Variants in CCDC191 observed in about 807,000 individuals in gnomAD.
CCDC191 encodes the protein coiled-coil domain-containing protein 191.
In CCDC191, 99 loss-of-function variants were observed where a neutral mutation model predicts 114.0. That is an observed-to-expected ratio of 0.87 (90% CI 0.74 to 1.03). The LOEUF (loss-of-function observed/expected upper bound fraction) is 1.03, where lower values mean the gene tolerates loss of function less well. Among genes scored for constraint, CCDC191 ranks in the 50% least tolerant of loss-of-function variants. The probability of loss-of-function intolerance (pLI) is 0.00; values close to 1 mark genes in which losing one functional copy is unlikely to be tolerated. For missense variants in CCDC191, 973 were observed against 1,087.0 expected (o/e 0.90, Z 1.47); for synonymous variants, 351 against 376.0 (o/e 0.93, Z 0.77).
At position 114,005,980 on chromosome 3, in the gene CCDC191, G is replaced by GTTA; in HGVS notation, c.1414-21_1414-19dup. On this transcript the variant is annotated intron_variant, in intron 9 of 16. Transcript: ENST00000295878. ...GCAGTCTCCTGAGAGAGAGAAACAT[G>GTTA]TTATAGCTCAACTATTTAAAGGACT... is the stretch of plus-strand genomic sequence containing the variant. 1 of 1,594,708 alleles carries GTTA rather than the reference G, an allele frequency of 6.3e-7. No homozygotes were observed. The highest frequency in any genetic ancestry group is 8.6e-7 in the Non-Finnish European group (1 of 1,163,306).
intron 2 of CCDC191, 40 bp from the exon 3 acceptor site, chr3:114,046,772 C>A (rs1243644646): frequency 3.9e-6 from 6 of 1,544,752 alleles, no homozygotes; most frequent in South Asian, 1.2e-5. Context: ...AAGATGACAA[C>A]AAATTTGTTC....
intron 16 of CCDC191, among the ~76,000 whole-genome samples, chr3:113,975,521 T>A (rs1202730633): frequency 6.6e-6 from 1 of 152,216 alleles, no homozygotes; most frequent in African/African-American, 2.4e-5. Flanking sequence ...GTGTTACCTA[T>A]GTACTGAGCG....
chr3:114,025,263 A>G (rs895795463), intron 7 of CCDC191, among the ~76,000 whole-genome samples: 1 of 151,576 alleles, frequency 6.6e-6, no homozygotes, highest in African/African-American at 2.4e-5. Context: ...ACTTACCAAA[A>G]AAAAAAAAAA....
At chr3:114,045,105 TAAACATTTCTTTTCA>T (rs2076611483) in intron 3 of CCDC191, among the ~76,000 whole-genome samples, 2 of 152,038 alleles carry the variant, frequency 1.3e-5, no homozygotes, top group South Asian at 4.1e-4. Flanking sequence ...ATGAGGCAAG[TAAACATTTCTTTTCA>T]ACTGCAGGAC....
intron 13 of CCDC191, among the ~76,000 whole-genome samples, chr3:113,983,077 A>C (rs535071167): frequency 9.2e-5 from 14 of 152,222 alleles, no homozygotes; most frequent in African/African-American, 3.1e-4. Flanking sequence ...TGCCTAGGTC[A>C]TGAATGCTTG....
At chr3:114,021,933 A>G (rs1344110081) in intron 7 of CCDC191, among the ~76,000 whole-genome samples, 1 of 152,158 alleles carries the variant, frequency 6.6e-6, no homozygotes, top group African/African-American at 2.4e-5. Flanking sequence ...AGATTTTCAA[A>G]TATAGTCAGG....
intron 7 of CCDC191, among the ~76,000 whole-genome samples, chr3:114,019,437 T>C (rs2076212632): frequency 6.6e-6 from 1 of 152,180 alleles, no homozygotes; most frequent in African/African-American, 2.4e-5. Context: ...TCAGGCTGCC[T>C]ATAATCTTCC....
chr3:113,977,512 G>A (rs1014268900), intron 16 of CCDC191, among the ~76,000 whole-genome samples: 1 of 148,116 alleles, frequency 6.8e-6, no homozygotes, highest in Non-Finnish European at 1.5e-5. Context: ...AAGACAACTG[G>A]ATTAAATAAA....
In CCDC191 at chr3:114,052,189, T is replaced by TC. The variant is rs555680217; in HGVS notation, c.129+1407dup. Among the ~76,000 whole-genome samples, 48 of 152,200 alleles carry TC rather than the reference T, an allele frequency of 3.2e-4. 1 individual carries two copies. The South Asian group carries it at 9.5e-3, about 30-fold the overall frequency. On this transcript the variant is annotated intron_variant, in intron 2 of 16. Transcript: ENST00000295878. ...TCAAATAAAGACTTATTGGTTTTTT[T>TC]CAAGACAGATTTGATGACATAATGG... is the stretch of plus-strand genomic sequence containing the variant.
chr3:113,965,096 GA>G lies in CCDC191; in HGVS notation c.*58del. 3 of 988,360 alleles carry G rather than the reference GA, an allele frequency of 3.0e-6. No individual in the cohort carries two copies. The highest frequency in any genetic ancestry group is 4.5e-6 in the Non-Finnish European group (3 of 668,286). The allele number at this position is 988,360 out of a possible 1,614,324, so 61.2% of individuals were successfully genotyped here. On this transcript the variant is annotated 3_prime_UTR_variant, in exon 17 of 17. Transcript: ENST00000295878. ...ATGTATGTATGTGTGTGGGTGGGTG[GA>G]GATAACACACATACAGACTAGTCGA...
intron 8 of CCDC191, among the ~76,000 whole-genome samples, chr3:114,011,488 G>A (rs2076069146): frequency 6.6e-6 from 1 of 152,186 alleles, no homozygotes; most frequent in South Asian, 2.1e-4. Context: ...AATAATTTAA[G>A]TAAAAGGCTT....
chr3:113,983,651 G>A (rs979925034), intron 13 of CCDC191, among the ~76,000 whole-genome samples: 1 of 152,096 alleles, frequency 6.6e-6, no homozygotes, highest in African/African-American at 2.4e-5. Context: ...GCTTTCAGAC[G>A]GCAGGGCTGT....
intron 8 of CCDC191, among the ~76,000 whole-genome samples, chr3:114,012,907 G>A (rs1484587498): frequency 1.3e-5 from 2 of 152,182 alleles, no homozygotes; most frequent in East Asian, 1.9e-4. Context: ...AAAAATGCAT[G>A]TTCAATATAG....
chr3:113,971,677 G>C (rs1940835583), intron 16 of CCDC191, among the ~76,000 whole-genome samples: 1 of 152,062 alleles, frequency 6.6e-6, no homozygotes, highest in African/African-American at 2.4e-5. Flanking sequence ...TCAGGCTAAT[G>C]CTGGCCTGAT....
chr3:113,980,853 G>A (rs1162756868), intron 13 of CCDC191, 60 bp from the exon 14 acceptor site: 2 of 1,465,492 alleles, frequency 1.4e-6, no homozygotes, highest in Non-Finnish European at 1.9e-6. Flanking sequence ...TCATTTCAAT[G>A]AAAAGCTAAT....
At chr3:114,048,716 T>C (rs2076662663) in intron 2 of CCDC191, among the ~76,000 whole-genome samples, 1 of 152,198 alleles carries the variant, frequency 6.6e-6, no homozygotes, top group Non-Finnish European at 1.5e-5. Context: ...CTTCTCCCCG[T>C]CCTCTGCTCT....
At chr3:114,011,136 G>T (rs1043094716) in intron 8 of CCDC191, 115 bp from the exon 9 acceptor site, 3 of 1,159,190 alleles carry the variant, frequency 2.6e-6, no homozygotes, top group Non-Finnish European at 3.6e-6. Flanking sequence ...CTTAGCTCTC[G>T]CTTAACATTT....
intron 14 of CCDC191, 106 bp downstream of exon 14, chr3:113,980,544 T>G: frequency 9.7e-7 from 1 of 1,035,506 alleles, no homozygotes; most frequent in South Asian, 2.0e-5. Context: ...TTTATCTTTC[T>G]GGCTTTAAAT....
chr3:114,024,302 G>C (rs2076287087), intron 7 of CCDC191, among the ~76,000 whole-genome samples: 1 of 152,168 alleles, frequency 6.6e-6, no homozygotes, highest in Admixed American at 6.5e-5. Flanking sequence ...CGATTCCTCA[G>C]GGATCTAGAA....
Sources: gnomAD v4.1 joint callset for allele counts (sites outside exome capture counted in the v4.1 genomes callset) on GRCh38, gnomAD v4.1.1 for gene constraint, MANE v1.5 for transcripts, NCBI Gene and HGNC (gene_info 2026-07-23, HGNC 2026-07-21) for gene names.